Variants in PLEKHG1 observed in about 807,000 individuals in gnomAD.
PLEKHG1 encodes pleckstrin homology and RhoGEF domain containing G1, also known as pleckstrin homology domain-containing family G member 1.
Under a neutral mutation model 100.8 loss-of-function variants are expected in PLEKHG1, and 44 were observed. The ratio of observed to expected loss-of-function variants is 0.44; its 90% CI spans 0.34 to 0.56. PLEKHG1 has a LOEUF of 0.56. Among genes scored for constraint, PLEKHG1 ranks in the 20% least tolerant of loss-of-function variants. The pLI is 0.01. For missense variants in PLEKHG1, 1,545 were observed against 1,720.9 expected (o/e 0.90, Z 1.81); for synonymous variants, 640 against 662.5 (o/e 0.97, Z 0.52).
chr6:150,841,185 A>G, exon 16 of PLEKHG1: 1 of 519,314 alleles, frequency 1.9e-6, no homozygotes, highest in South Asian at 1.9e-5. Flanking sequence ...CGATGGCCAT[A>G]ACCTGACAAT....
rs914217513 is a variant in PLEKHG1 at position 150,683,566 on chromosome 6, C to A, written c.-99+32780C>A. The A allele has an allele frequency of 3.4e-6, 1 of 290,242 alleles. No individual in the cohort carries two copies. The highest frequency in any genetic ancestry group is 6.8e-6 in the Non-Finnish European group (1 of 147,924). The allele number at this position is 290,242 out of a possible 1,614,324, so 18.0% of individuals were successfully genotyped here. ...ACATTACCCTTCTTCCTCTTCCTGA[C>A]CACTGCTGTTCCCACAGCAGTCACG... On this transcript the variant is annotated intron_variant, in intron 3 of 3. Coordinates refer to the PLEKHG1 transcript ENST00000367326. This position sits in a 1 kb window ranked among gnomAD's most constrained non-coding sequence, Gnocchi z 4.0.
chr6:150,707,310 T>C (rs1396791396), intron 3 of PLEKHG1, among the ~76,000 whole-genome samples: 1 of 152,112 alleles, frequency 6.6e-6, no homozygotes, highest in East Asian at 1.9e-4. Flanking sequence ...GGCCTGTGTT[T>C]CATTTTCATG....
intron 2 of PLEKHG1, among the ~76,000 whole-genome samples, chr6:150,644,171 A>G (rs904345754): frequency 6.6e-6 from 1 of 152,062 alleles, no homozygotes; most frequent in African/African-American, 2.4e-5. Context: ...GCCAGTTTCC[A>G]TTGTGAATTC....
intron 5 of PLEKHG1, among the ~76,000 whole-genome samples, chr6:150,799,265 G>C (rs2128661938): frequency 6.6e-6 from 1 of 152,216 alleles, no homozygotes; most frequent in East Asian, 1.9e-4. Context: ...AGCCAAAAAT[G>C]CCAGGTATTT....
chr6:150,721,271 A>G (rs1781660488), intron 1 of PLEKHG1: 1 of 670,224 alleles, frequency 1.5e-6, no homozygotes, highest in Non-Finnish European at 1.8e-6. Flanking sequence ...GGGAGCAGCC[A>G]GAGAGGTCCA....
chr6:150,718,331 G>A (rs1004353552), upstream of PLEKHG1, among the ~76,000 whole-genome samples: 7 of 152,152 alleles, frequency 4.6e-5, no homozygotes, highest in Admixed American at 3.3e-4. Context: ...GGGAGCACTG[G>A]AACGCAGAAC....
chr6:150,705,445 G>T lies in PLEKHG1; in HGVS notation c.-98-28139G>T, dbSNP rs576920869. 1.5e-3 allele frequency among the ~76,000 whole-genome samples: 221 copies of T among 152,368 alleles called. 2 individuals carry two copies. Among genetic ancestry groups the T allele is most frequent in the Middle Eastern group, 0.01 (3 of 294 alleles). On this transcript the variant is annotated intron_variant, in intron 3 of 3. Coordinates refer to the PLEKHG1 transcript ENST00000367326. ...GGGTTTCCAGAGAGAAACATGGAAA[G>T]CGGCGGGGACCGCCTGTCCCACTCA...
At chr6:150,817,259 G>C (rs1776016408) in intron 10 of PLEKHG1, among the ~76,000 whole-genome samples, 1 of 152,206 alleles carries the variant, frequency 6.6e-6, no homozygotes, top group African/African-American at 2.4e-5. Flanking sequence ...AAGTGCCTGA[G>C]CTGGGATCAC....
At chr6:150,612,045 T>TTCC (rs1491263507) in intron 1 of PLEKHG1, among the ~76,000 whole-genome samples, 66 of 77,260 alleles carry the variant, frequency 8.5e-4, no homozygotes, top group South Asian at 2.4e-3. Flanking sequence ...CTGGTGTTGT[T>TTCC]CCCCCCCCCC....
chr6:150,693,611 G>A (rs188133556), intron 3 of PLEKHG1, among the ~76,000 whole-genome samples: 26 of 152,268 alleles, frequency 1.7e-4, no homozygotes, highest in African/African-American at 5.8e-4. Flanking sequence ...CATGTGTTTC[G>A]TCTCTCCTGG....
At chr6:150,665,630 A>AAAAAATAAAAAT (rs149374779) in intron 3 of PLEKHG1, among the ~76,000 whole-genome samples, 10,941 of 148,174 alleles carry the variant, frequency 0.074, 485 homozygotes, top group South Asian at 0.15. Context: ...ACTCCATCTC[A>AAAAAATAAAAAT]AAAAATAAAA....
At position 150,696,543 on chromosome 6, in the gene PLEKHG1, GTTC is replaced by G. The variant is rs199743284; in HGVS notation, c.-98-37034_-98-37032del. Among the ~76,000 whole-genome samples the G allele has an allele frequency of 7.5e-3, 1,149 of 152,218 alleles. 12 individuals carry two copies. The highest frequency in any genetic ancestry group is 0.027 in the African/African-American group (1,102 of 41,494). On this transcript the variant is annotated intron_variant, in intron 3 of 3. Coordinates refer to the PLEKHG1 transcript ENST00000367326. ...GCATTAGCATTGGTTCTGGTGGTCT[GTTC>G]TTCTTCAGCCCCGTTAATCTGACTT...
At chr6:150,625,119 G>C (rs1777456448) in intron 1 of PLEKHG1, among the ~76,000 whole-genome samples, 1 of 150,790 alleles carries the variant, frequency 6.6e-6, no homozygotes, top group Non-Finnish European at 1.5e-5. Context: ...ACTCCAGCCT[G>C]AGCTACAGAG....
chr6:150,814,414 G>A (rs577827721), intron 10 of PLEKHG1, among the ~76,000 whole-genome samples: 1 of 152,168 alleles, frequency 6.6e-6, no homozygotes, highest in African/African-American at 2.4e-5. Flanking sequence ...ATATAACATC[G>A]TACTTTCTCC....
chr6:150,823,720 C>T, intron 14 of PLEKHG1, 44 bp downstream of exon 15: 3 of 1,490,170 alleles, frequency 2.0e-6, no homozygotes, highest in Non-Finnish European at 2.8e-6. Flanking sequence ...TCACTTCAGG[C>T]ACCTTTCATA....
chr6:150,658,558 G>A (rs1398321444), intron 3 of PLEKHG1, among the ~76,000 whole-genome samples: 3 of 152,140 alleles, frequency 2.0e-5, no homozygotes, highest in Non-Finnish European at 4.4e-5. Flanking sequence ...TTTGTCTATG[G>A]TTTCCCTTTA....
chr6:150,634,635 T>G (rs1260311564), intron 1 of PLEKHG1, among the ~76,000 whole-genome samples: 1 of 152,232 alleles, frequency 6.6e-6, no homozygotes, highest in East Asian at 1.9e-4. Context: ...TCCCCATTAT[T>G]AGAGCCAATG....
chr6:150,721,069 G>A (rs1057350305), upstream of PLEKHG1: 7 of 808,368 alleles, frequency 8.7e-6, no homozygotes, highest in East Asian at 6.3e-4. Context: ...GGGTTTGGGA[G>A]ATAAAAGCTG....
chr6:150,805,181 T>C (rs1405177956), intron 7 of PLEKHG1, among the ~76,000 whole-genome samples: 2 of 152,020 alleles, frequency 1.3e-5, no homozygotes, highest in Non-Finnish European at 2.9e-5. Flanking sequence ...GTGATCCGCC[T>C]GCCTTGGCCT....
Sources: allele counts gnomAD v4.1 joint callset (sites outside exome capture counted in the v4.1 genomes callset), GRCh38; gene constraint gnomAD v4.1.1; non-coding constraint Gnocchi (gnomAD v3.1); transcripts MANE v1.5; gene names NCBI Gene and HGNC (gene_info 2026-07-23, HGNC 2026-07-21).